Variants in KANK1 observed in about 807,000 individuals in gnomAD.
The protein encoded by KANK1 is KN motif and ankyrin repeat domains 1.
In KANK1, 109 loss-of-function variants were observed where a neutral mutation model predicts 106.2. The observed-to-expected ratio is 1.03, with a 90% CI of 0.88 to 1.20. KANK1 has a LOEUF of 1.20. KANK1 is among the 50% of genes most tolerant of loss of function. The probability of loss-of-function intolerance (pLI) is 0.00; values close to 1 mark genes in which losing one functional copy is unlikely to be tolerated. For missense variants in KANK1, 2,399 were observed against 1,710.7 expected (o/e 1.40, Z -7.10); for synonymous variants, 873 against 652.2 (o/e 1.34, Z -5.16).
intron 3 of KANK1, among the ~76,000 whole-genome samples, chr9:719,436 A>T (rs998579581): frequency 6.6e-5 from 10 of 152,164 alleles, no homozygotes; most frequent in African/African-American, 2.4e-4. Flanking sequence ...TTAAATCAGA[A>T]TGTCAAGCTG....
At chr9:716,024 C>G (rs942137837) in intron 3 of KANK1, among the ~76,000 whole-genome samples, 1 of 152,138 alleles carries the variant, frequency 6.6e-6, no homozygotes, top group African/African-American at 2.4e-5. Context: ...ATTTCTGAAC[C>G]AAAAGATATA....
chr9:610,403 T>A (rs917918780), intron 1 of KANK1, among the ~76,000 whole-genome samples: 8 of 151,930 alleles, frequency 5.3e-5, no homozygotes, highest in African/African-American at 1.9e-4. Flanking sequence ...AAGAATTGAG[T>A]GATATGGAAG....
Position 721,739 on chromosome 9 carries a change from T to C in KANK1, c.2698+8275T>C, listed in dbSNP as rs376724100. ...ACAGGGACTCCTGAAGCTAGGACTT[T>C]CACTTCTTGTGGTAGGGCTTACTAT... is the stretch of plus-strand genomic sequence containing the variant. On this transcript the variant is annotated intron_variant, in intron 3 of 11. Coordinates refer to ENST00000382297, the MANE Select transcript of KANK1 (RefSeq NM_015158.5). Among the ~76,000 whole-genome samples the C allele has an allele frequency of 6.1e-4, 93 of 152,344 alleles. 2 individuals carry two copies. The South Asian group carries it at 0.018, about 30-fold the overall frequency.
Position 588,180 on chromosome 9 carries a change from CT to C in KANK1, c.-84+83432del, listed in dbSNP as rs200253042. ...AGATACCAAAGCCCATATCAGTGGG[CT>C]TTTTTACATACTTCTTTTCCTTAAT... On this transcript the variant is annotated intron_variant, in intron 1 of 11. Transcript: ENST00000382297. 4.8e-3 allele frequency among the ~76,000 whole-genome samples: 725 copies of C among 152,136 alleles called. 10 individuals carry two copies. Among genetic ancestry groups the C allele is most frequent in the African/African-American group, 0.016 (683 of 41,512 alleles).
chr9:476,152 A>C (rs1249315145), intron 3 of KANK1, among the ~76,000 whole-genome samples: 2 of 151,922 alleles, frequency 1.3e-5, no homozygotes, highest in African/African-American at 4.8e-5. Context: ...CTCAAAAAAA[A>C]AAAAAAAAGT....
At chr9:729,306 TC>T (rs1288681912) in intron 3 of KANK1, among the ~76,000 whole-genome samples, 1 of 152,018 alleles carries the variant, frequency 6.6e-6, no homozygotes, top group African/African-American at 2.4e-5. Context: ...GTATCACAGA[TC>T]CCCAGGAGAA....
At chr9:736,642 G>A (rs903007330) in intron 7 of KANK1, among the ~76,000 whole-genome samples, 15 of 151,754 alleles carry the variant, frequency 9.9e-5, no homozygotes, top group African/African-American at 3.4e-4. Flanking sequence ...TCAGGCTGCA[G>A]TGCTCCATCA....
At chr9:651,388 G>A (rs887286795) in intron 1 of KANK1, among the ~76,000 whole-genome samples, 5 of 152,016 alleles carry the variant, frequency 3.3e-5, no homozygotes, top group African/African-American at 9.7e-5. Flanking sequence ...GTTAATTTCT[G>A]CTTCCATCAT....
In KANK1 at chr9:601,289, A is replaced by G. The variant is rs1342508113; in HGVS notation, c.-83-75601A>G. Among the ~76,000 whole-genome samples, 2 of 151,832 alleles carry G rather than the reference A, an allele frequency of 1.3e-5. 1 individual carries two copies. Among genetic ancestry groups the G allele is most frequent in the Admixed American group, 1.3e-4 (2 of 15,258 alleles). On this transcript the variant is annotated intron_variant, in intron 1 of 11. Transcript: ENST00000382297. ...TTGGTCTAATACTTCCAGCTAAACA[A>G]CAGACCTTACTAGCATTCTATCCAG...
At chr9:522,477 T>G (rs2059596945) in intron 1 of KANK1, among the ~76,000 whole-genome samples, 2 of 151,586 alleles carry the variant, frequency 1.3e-5, no homozygotes, top group South Asian at 4.1e-4. Flanking sequence ...TGTGGCATAC[T>G]GGGGGTACTC....
At chr9:533,752 G>A (rs1371636702) in intron 1 of KANK1, among the ~76,000 whole-genome samples, 1 of 152,164 alleles carries the variant, frequency 6.6e-6, no homozygotes, top group African/African-American at 2.4e-5. Context: ...CAAAGGTCAT[G>A]GGAGCTTTGA....
intron 3 of KANK1, among the ~76,000 whole-genome samples, chr9:475,503 C>T (rs1307483412): frequency 2.0e-5 from 3 of 152,196 alleles, no homozygotes; most frequent in Admixed American, 2.0e-4. Context: ...AATAAATTTT[C>T]ACTCCTGCTT....
chr9:522,743 A>G (rs970221850), intron 1 of KANK1, among the ~76,000 whole-genome samples: 5 of 151,598 alleles, frequency 3.3e-5, no homozygotes, highest in Admixed American at 1.3e-4. Flanking sequence ...AGAATTCTGT[A>G]AACTCTAATG....
intron 1 of KANK1, among the ~76,000 whole-genome samples, chr9:558,444 A>G (rs1018575107): frequency 2.6e-5 from 4 of 152,244 alleles, no homozygotes; most frequent in South Asian, 2.1e-4. Flanking sequence ...CAACCGATCA[A>G]TACATAGCCT....
chr9:507,004 G>C (rs1312989525), intron 1 of KANK1, among the ~76,000 whole-genome samples: 1 of 152,180 alleles, frequency 6.6e-6, no homozygotes, highest in Non-Finnish European at 1.5e-5. Flanking sequence ...TTAGTAAGGA[G>C]AGTTGAAGCT....
At chr9:665,438 C>G (rs1844349596) in intron 1 of KANK1, among the ~76,000 whole-genome samples, 1 of 152,152 alleles carries the variant, frequency 6.6e-6, no homozygotes, top group East Asian at 1.9e-4. Flanking sequence ...TTCCCTGTTG[C>G]ATATTGTTGG....
chr9:641,398 T>C (rs1365428053), intron 1 of KANK1, among the ~76,000 whole-genome samples: 1 of 152,212 alleles, frequency 6.6e-6, no homozygotes, highest in Admixed American at 6.5e-5. Flanking sequence ...AGAACATCCA[T>C]CTTGGTGGTG....
chr9:718,792 C>T (rs991900208), intron 3 of KANK1, among the ~76,000 whole-genome samples: 1 of 152,086 alleles, frequency 6.6e-6, no homozygotes, highest in African/African-American at 2.4e-5. Context: ...GAGAGGAGAG[C>T]GTAGAAACAA....
chr9:729,514 C>G (rs1203892266), intron 3 of KANK1, among the ~76,000 whole-genome samples: 1 of 152,160 alleles, frequency 6.6e-6, no homozygotes, highest in African/African-American at 2.4e-5. Flanking sequence ...TACAGCGAGT[C>G]CTGGCACTTA....
Sources: allele counts gnomAD v4.1 joint callset (sites outside exome capture counted in the v4.1 genomes callset), GRCh38; gene constraint gnomAD v4.1.1; transcripts MANE v1.5; gene names NCBI Gene and HGNC (gene_info 2026-07-23, HGNC 2026-07-21).